Variants in PDE4D observed in about 807,000 individuals in gnomAD.
The protein encoded by PDE4D is phosphodiesterase 4D.
Under a neutral mutation model 87.4 loss-of-function variants are expected in PDE4D, and 24 were observed. That is an observed-to-expected ratio of 0.27 (90% CI 0.20 to 0.39). The LOEUF (loss-of-function observed/expected upper bound fraction) is 0.39, where lower values mean the gene tolerates loss of function less well. Ranked by LOEUF, PDE4D falls within the 10% of genes least tolerant of loss-of-function variation. The pLI is 1.00. For missense variants in PDE4D, 714 were observed against 1,041.0 expected (o/e 0.69, Z 4.32); for synonymous variants, 384 against 383.2 (o/e 1.00, Z -0.02).
chr5:59,162,387 T>C (rs184028754), intron 5 of PDE4D, among the ~76,000 whole-genome samples: 1 of 150,032 alleles, frequency 6.7e-6, no homozygotes, highest in African/African-American at 2.4e-5. Context: ...TTATTTATGT[T>C]CAGAACCTAA....
intron 1 of PDE4D, among the ~76,000 whole-genome samples, chr5:59,498,886 T>A (rs1419192850): frequency 6.6e-6 from 1 of 151,950 alleles, no homozygotes; most frequent in African/African-American, 2.4e-5. Context: ...TAACAAAAAA[T>A]TTTGTATTTA....
intron 1 of PDE4D, among the ~76,000 whole-genome samples, chr5:59,418,426 T>C (rs1429173331): frequency 6.6e-6 from 1 of 152,190 alleles, no homozygotes; most frequent in Non-Finnish European, 1.5e-5. Flanking sequence ...GAAATGCCCT[T>C]CATCTTCAAC....
At position 59,768,348 on chromosome 5, in the gene PDE4D, G is replaced by C. The variant is rs148392104; in HGVS notation, c.455+124820C>G. On this transcript the variant is annotated intron_variant, in intron 1 of 14. Transcript: ENST00000340635. The stretch of plus-strand genomic sequence containing the variant: ...AATTTCTCGGAGAGATCACTGGAGA[G>C]AGCTTGGGAGAAACCGATTTCCTCG... 1,065 of 1,598,354 alleles carry C rather than the reference G, an allele frequency of 6.7e-4. 8 individuals carry two copies. In the African/African-American group the frequency reaches 0.013, roughly 19 times the overall value.
chr5:60,073,128 G>A (rs558694258), intron 2 of PDE4D, among the ~76,000 whole-genome samples: 1 of 152,246 alleles, frequency 6.6e-6, no homozygotes, highest in African/African-American at 2.4e-5. Context: ...TGCCCATTCA[G>A]TATGATGTTG....
At chr5:59,222,170 G>A (rs1449463708) in intron 1 of PDE4D, among the ~76,000 whole-genome samples, 1 of 152,130 alleles carries the variant, frequency 6.6e-6, no homozygotes, top group Non-Finnish European at 1.5e-5. Flanking sequence ...CATTTCAGTG[G>A]AATTACTGGA....
intron 1 of PDE4D, among the ~76,000 whole-genome samples, chr5:59,361,348 GAAAT>G (rs1359194528): frequency 1.3e-5 from 2 of 152,102 alleles, no homozygotes; most frequent in African/African-American, 2.4e-5. Context: ...CTAATCATTT[GAAAT>G]AAATAATTTG....
At chr5:59,566,873 C>G (rs1383203453) in intron 1 of PDE4D, among the ~76,000 whole-genome samples, 1 of 76,354 alleles carries the variant, frequency 1.3e-5, no homozygotes, top group Non-Finnish European at 3.0e-5. Context: ...TCTTTCTGGA[C>G]TAAGAAAAAA....
At chr5:60,172,100 G>A (rs193039065) in intron 2 of PDE4D, among the ~76,000 whole-genome samples, 135 of 145,722 alleles carry the variant, frequency 9.3e-4, no homozygotes, top group African/African-American at 3.4e-3. Context: ...CTAAATGAGT[G>A]AATATATATA....
chr5:59,638,710 A>G (rs1220423227), intron 1 of PDE4D, among the ~76,000 whole-genome samples: 1 of 152,084 alleles, frequency 6.6e-6, no homozygotes, highest in Non-Finnish European at 1.5e-5. Flanking sequence ...AAAGAAATGT[A>G]AGGACAAAGC....
chr5:60,178,194 G>C (rs923877128), intron 2 of PDE4D, among the ~76,000 whole-genome samples: 3 of 152,080 alleles, frequency 2.0e-5, no homozygotes, highest in Non-Finnish European at 2.9e-5. Context: ...TTTAACTTAC[G>C]TCTATTCTGA....
intron 1 of PDE4D, among the ~76,000 whole-genome samples, chr5:59,521,007 A>G (rs2153673143): frequency 6.6e-6 from 1 of 152,278 alleles, no homozygotes; most frequent in Admixed American, 6.5e-5. Context: ...ATAGATATAC[A>G]AGGATCATTT....
chr5:59,752,291 C>T (rs542579772), intron 1 of PDE4D, among the ~76,000 whole-genome samples: 83 of 152,298 alleles, frequency 5.4e-4, no homozygotes, highest in African/African-American at 1.9e-3. Context: ...GAAAGTACTA[C>T]TGTCTTTCAA....
chr5:59,158,307 C>T (rs998739329), intron 5 of PDE4D, among the ~76,000 whole-genome samples: 5 of 152,186 alleles, frequency 3.3e-5, no homozygotes, highest in African/African-American at 9.7e-5. Context: ...CCCACTTTAG[C>T]TAAGTATGGG....
intron 2 of PDE4D, among the ~76,000 whole-genome samples, chr5:60,159,407 G>A (rs1368899544): frequency 6.6e-6 from 1 of 152,032 alleles, no homozygotes; most frequent in Non-Finnish European, 1.5e-5. Flanking sequence ...ATTATATTAA[G>A]TACTTAACAG....
chr5:59,974,174 A>G (rs1317577903), intron 3 of PDE4D, among the ~76,000 whole-genome samples: 1 of 152,198 alleles, frequency 6.6e-6, no homozygotes, highest in Non-Finnish European at 1.5e-5. Context: ...TTATTGCTAA[A>G]ATTGGCAGCA....
intron 5 of PDE4D, among the ~76,000 whole-genome samples, chr5:59,114,013 C>G (rs576531327): frequency 6.6e-6 from 1 of 152,134 alleles, no homozygotes; most frequent in Non-Finnish European, 1.5e-5. Flanking sequence ...ATTATATACC[C>G]TTTTGGGGGT....
Position 59,076,797 on chromosome 5 carries a change from C to A in PDE4D, c.809-37826G>T, listed in dbSNP as rs548381350. On this transcript the variant is annotated intron_variant, in intron 5 of 14. Coordinates refer to ENST00000340635, the MANE Select transcript of PDE4D (RefSeq NM_001104631.2). Reference sequence around the variant, plus strand: ...CTGATCACTCCCTACTTCAAAAGCTCCAACAACATAGTATAACTGACACAA... The same window carrying A: ...CTGATCACTCCCTACTTCAAAAGCTACAACAACATAGTATAACTGACACAA... Among the ~76,000 whole-genome samples the A allele has an allele frequency of 3.3e-5, 5 of 152,194 alleles. No individual in the cohort carries two copies. The East Asian group carries it at 9.6e-4, about 29-fold the overall frequency.
At chr5:59,853,834 C>G (rs565873093) in intron 1 of PDE4D, among the ~76,000 whole-genome samples, 1 of 151,906 alleles carries the variant, frequency 6.6e-6, no homozygotes, top group Non-Finnish European at 1.5e-5. Flanking sequence ...TTATCTTGCT[C>G]TTTTTTGGTT....
At chr5:59,997,850 G>A (rs1356135978) in intron 2 of PDE4D, among the ~76,000 whole-genome samples, 1 of 152,050 alleles carries the variant, frequency 6.6e-6, no homozygotes, top group African/African-American at 2.4e-5. Context: ...TATAAAAACT[G>A]TACAAAAAAC....
Sources: gnomAD v4.1 joint callset for allele counts (sites outside exome capture counted in the v4.1 genomes callset) on GRCh38, gnomAD v4.1.1 for gene constraint, MANE v1.5 for transcripts, NCBI Gene and HGNC (gene_info 2026-07-23, HGNC 2026-07-21) for gene names.